The following BBX variants were observed in gnomAD, a reference collection of about 807,000 sequenced individuals.
BBX encodes BBX high mobility group box domain containing, also known as HMG box transcription factor BBX.
A neutral mutation model predicts 100.2 loss-of-function variants in BBX; 30 were observed. The observed-to-expected ratio is 0.30, with a 90% CI of 0.22 to 0.41. The LOEUF is 0.41. Ranked by LOEUF, BBX falls within the 10% of genes least tolerant of loss-of-function variation. The pLI is 1.00. For missense variants in BBX, 1,023 were observed against 1,129.8 expected, an observed-to-expected ratio of 0.91 and a Z score of 1.35; for synonymous variants, 376 against 388.1, an observed-to-expected ratio of 0.97 and a Z score of 0.37.
chr3:107,595,593 G>A (rs1002574221), intron 2 of BBX, among the ~76,000 whole-genome samples: 19 of 152,164 alleles, frequency 1.2e-4, no homozygotes, highest in African/African-American at 3.9e-4. Context: ...ATTTGACACC[G>A]AAATGAATGA....
intron 3 of BBX, among the ~76,000 whole-genome samples, chr3:107,675,267 C>A (rs986727543): frequency 6.6e-6 from 1 of 152,082 alleles, no homozygotes; most frequent in East Asian, 1.9e-4. Flanking sequence ...GAAATCAGAG[C>A]TTTTCTTCTC....
At chr3:107,689,527 A>C (rs930427868) in intron 3 of BBX, among the ~76,000 whole-genome samples, 28 of 152,242 alleles carry the variant, frequency 1.8e-4, no homozygotes, top group Non-Finnish European at 3.1e-4. Context: ...GCTGTCAGTC[A>C]TAACGACTTC....
At chr3:107,733,947 G>C (rs1439369474) in intron 7 of BBX, among the ~76,000 whole-genome samples, 1 of 152,108 alleles carries the variant, frequency 6.6e-6, no homozygotes, top group Non-Finnish European at 1.5e-5. Flanking sequence ...ACATTTAACA[G>C]AGGCCAATTG....
At chr3:107,709,269 G>A (rs2061572230) in intron 3 of BBX, among the ~76,000 whole-genome samples, 1 of 152,084 alleles carries the variant, frequency 6.6e-6, no homozygotes, top group African/African-American at 2.4e-5. Flanking sequence ...TTTGAAGTAA[G>A]GAAGACCTAG....
chr3:107,652,631 CT>C (rs1393630922), intron 3 of BBX, among the ~76,000 whole-genome samples: 2 of 152,090 alleles, frequency 1.3e-5, no homozygotes, highest in Non-Finnish European at 2.9e-5. Context: ...TCAGGCATGG[CT>C]TCCTGCATTT....
At chr3:107,628,839 G>C (rs2056371300) in intron 2 of BBX, among the ~76,000 whole-genome samples, 1 of 152,064 alleles carries the variant, frequency 6.6e-6, no homozygotes, top group Non-Finnish European at 1.5e-5. Context: ...GGAACTTATA[G>C]GGGTGAGAGA....
At chr3:107,612,531 G>T (rs1052874398) in intron 2 of BBX, among the ~76,000 whole-genome samples, 1 of 152,156 alleles carries the variant, frequency 6.6e-6, no homozygotes, top group Non-Finnish European at 1.5e-5. Flanking sequence ...GATAAGATCC[G>T]AAAGAATTCT....
chr3:107,783,171 C>G (rs2068072745), intron 13 of BBX, among the ~76,000 whole-genome samples: 1 of 152,182 alleles, frequency 6.6e-6, no homozygotes, highest in African/African-American at 2.4e-5. Context: ...AAATTTTTCA[C>G]TTCTTGACTC....
rs114367999 is a variant in BBX at position 107,765,870 on chromosome 3, T to C, written c.907-6758T>C. Among the ~76,000 whole-genome samples, 321 of 152,318 alleles carry C rather than the reference T, an allele frequency of 2.1e-3. 1 individual carries two copies. The highest frequency in any genetic ancestry group is 7.4e-3 in the African/African-American group (306 of 41,578). On this transcript the variant is annotated intron_variant, in intron 10 of 17. Transcript: ENST00000325805. ...TTCATAGCTGTTCCCAGGTTTTGTT[T>C]GTATCTTATGGAAATGCCTAATATG... is the stretch of plus-strand genomic sequence containing the variant.
rs191990964 is a variant in BBX, at chr3:107,649,743, C to T, written c.-10+3834C>T. Among the ~76,000 whole-genome samples, 124 of 152,208 alleles carry T rather than the reference C, an allele frequency of 8.1e-4. 1 individual carries two copies. The highest frequency in any genetic ancestry group is 6.4e-3 in the Admixed American group (98 of 15,290). On this transcript the variant is annotated intron_variant, in intron 3 of 17. Coordinates refer to ENST00000325805, the MANE Select transcript of BBX (RefSeq NM_001142568.3). ...CTTAGGCATTCTTCTTTACTTCTAC[C>T]GGAAATTGGAAGTGGCTTTATCCTT...
At chr3:107,789,666 T>G in intron 13 of BBX, 121 bp from the exon 14 acceptor site, 1 of 671,516 alleles carries the variant, frequency 1.5e-6, no homozygotes, top group East Asian at 2.9e-5. Flanking sequence ...AAGATGACAT[T>G]TATTGAGATT....
rs1284911791 is a variant in BBX, at chr3:107,780,098, AATGG to A, written c.2203+1582_2203+1585del. Among the ~76,000 whole-genome samples the A allele has an allele frequency of 2.6e-5, 4 of 152,246 alleles. No homozygotes were observed. In the East Asian group the frequency reaches 5.8e-4, roughly 22 times the overall value. On this transcript the variant is annotated intron_variant, in intron 13 of 17. Coordinates refer to ENST00000325805, the MANE Select transcript of BBX (RefSeq NM_001142568.3). ...TGACAGGTAGGGAGCTGAGCACCATAATGGATTGCCAAATGAAATGATAGTCTCT... is the reference window on the plus strand; with the variant it reads ...TGACAGGTAGGGAGCTGAGCACCATAATTGCCAAATGAAATGATAGTCTCT...
At chr3:107,635,715 C>CT (rs780828594) in intron 2 of BBX, among the ~76,000 whole-genome samples, 17,692 of 140,926 alleles carry the variant, frequency 0.13, 1,241 homozygotes, top group Middle Eastern at 0.19. Flanking sequence ...GTATTTTCAT[C>CT]TTTTTTTTTT....
chr3:107,523,283 C>A (rs1199439267), intron 1 of BBX, among the ~76,000 whole-genome samples, 176 bp downstream of exon 1: 1 of 151,950 alleles, frequency 6.6e-6, no homozygotes, highest in African/African-American at 2.4e-5. Context: ...ACGGAGGGAA[C>A]CCCGCGCGTC....
rs1188716216 is a variant in BBX, at chr3:107,739,378, C to A, written c.670-5252C>A. On this transcript the variant is annotated intron_variant, in intron 7 of 17. Transcript: ENST00000325805. The stretch of plus-strand genomic sequence containing the variant: ...AATTCTACACTGAAAAGGAAATGGG[C>A]TCTCTGAGCTTCCTCTTTTCTTGGG... Among the ~76,000 whole-genome samples, 4 of 152,306 alleles carry A rather than the reference C, an allele frequency of 2.6e-5. No homozygotes were observed. In the East Asian group the frequency reaches 7.7e-4, roughly 29 times the overall value.
chr3:107,804,733 A>G (rs2070906551), intron 17 of BBX, among the ~76,000 whole-genome samples: 1 of 151,728 alleles, frequency 6.6e-6, no homozygotes, highest in Non-Finnish European at 1.5e-5. Flanking sequence ...AAAATCCAGC[A>G]TCAGTGCTTG....
chr3:107,696,781 C>A, intron 3 of BBX, among the ~76,000 whole-genome samples: 1 of 151,400 alleles, frequency 6.6e-6, no homozygotes. Context: ...TGGATAATAT[C>A]CTGCAGAGTG....
At chr3:107,547,802 T>C (rs1181793678) in intron 2 of BBX, among the ~76,000 whole-genome samples, 1 of 152,068 alleles carries the variant, frequency 6.6e-6, no homozygotes, top group Admixed American at 6.6e-5. Flanking sequence ...TCTATTGATC[T>C]TATTCTTCAT....
intron 3 of BBX, among the ~76,000 whole-genome samples, chr3:107,671,188 T>C (rs1041668178): frequency 1.3e-5 from 2 of 152,202 alleles, no homozygotes; most frequent in Middle Eastern, 3.4e-3. Context: ...AATATGTTCA[T>C]TGACTCAGCC....
Sources: gnomAD v4.1 joint callset for allele counts (sites outside exome capture counted in the v4.1 genomes callset) on GRCh38, gnomAD v4.1.1 for gene constraint, MANE v1.5 for transcripts, NCBI Gene and HGNC (gene_info 2026-07-23, HGNC 2026-07-21) for gene names.